The following GPBP1L1 variants were observed in gnomAD, a reference collection of about 807,000 sequenced individuals.
GPBP1L1 encodes GC-rich promoter binding protein 1 like 1.
In GPBP1L1, 23 loss-of-function variants were observed where a neutral mutation model predicts 52.5. That is an observed-to-expected ratio of 0.44 (90% CI 0.32 to 0.62). The LOEUF (loss-of-function observed/expected upper bound fraction) is 0.62. Among genes scored for constraint, GPBP1L1 ranks in the 20% least tolerant of loss-of-function variants. The probability of loss-of-function intolerance (pLI) is 0.06; values close to 1 mark genes in which losing one functional copy is unlikely to be tolerated. For synonymous variants in GPBP1L1, 243 were observed against 203.1 expected (o/e 1.20, Z -1.67); for missense variants, 596 against 579.3 (o/e 1.03, Z -0.30).
intron 6 of GPBP1L1, among the ~76,000 whole-genome samples, chr1:45,647,941 GT>G (rs996736254): frequency 1.3e-5 from 2 of 151,918 alleles, no homozygotes; most frequent in African/African-American, 4.8e-5. Context: ...CTGTGTGTAT[GT>G]TTTTTTCTTT....
intron 6 of GPBP1L1, among the ~76,000 whole-genome samples, chr1:45,645,318 A>G (rs944099894): frequency 6.6e-6 from 1 of 152,172 alleles, no homozygotes; most frequent in Non-Finnish European, 1.5e-5. Context: ...AACACCTCAT[A>G]ACTTATTACT....
Position 45,640,334 on chromosome 1 carries a change from G to A in GPBP1L1, c.620C>T (p.Ala207Val). The A allele has an allele frequency of 1.9e-6, 3 of 1,614,118 alleles. No individual in the cohort carries two copies. Among genetic ancestry groups the A allele is most frequent in the Non-Finnish European group, 2.5e-6 (3 of 1,179,966 alleles). Residue 207 changes from alanine to valine, a missense_variant, in exon 8 of 13, where the codon GCT becomes GTT. Physicochemically the swap from Ala to Val is moderately conservative, Grantham distance 64. Transcript: ENST00000355105. ...GGTGAATGCAGCAGAGAAGGCAGCA[G>A]CAGGATCCTCTTTGGAAACTTTTTT... ...VIKKVSKEDPAAAFSAAFTSP... is the reference protein window; with the variant it reads ...VIKKVSKEDPVAAFSAAFTSP...
Position 45,660,320 on chromosome 1 carries a change from G to C in GPBP1L1, c.-192C>G, listed in dbSNP as rs1644933805. ...TTATGATGAAGCACGAAGAAGCCAG[G>C]TTCTGTGTCGATCACTCTCTCAGTC... On this transcript the variant is annotated 5_prime_UTR_variant, in exon 3 of 13. Transcript: ENST00000355105. 1 of 985,264 alleles carries C rather than the reference G, an allele frequency of 1.0e-6. No homozygotes were observed. The highest frequency in any genetic ancestry group is 1.2e-6 in the Non-Finnish European group (1 of 829,918). 61.0% of individuals were successfully genotyped at this position (985,264 alleles called of 1,614,324 possible).
At chr1:45,639,317 T>G (rs370553974) in intron 8 of GPBP1L1, among the ~76,000 whole-genome samples, 1 of 152,110 alleles carries the variant, frequency 6.6e-6, no homozygotes, top group Non-Finnish European at 1.5e-5. Context: ...AAGGACAGCA[T>G]AGAGAGAATA....
At chr1:45,654,896 A>T in intron 5 of GPBP1L1, 67 bp from the exon 6 acceptor site, 1 of 1,472,696 alleles carries the variant, frequency 6.8e-7, no homozygotes, top group Non-Finnish European at 9.2e-7. Context: ...GTATTGGCCA[A>T]AGGCCTTCAG....
At chr1:45,680,909 A>G (rs1379867331) in intron 2 of GPBP1L1, among the ~76,000 whole-genome samples, 5 of 152,164 alleles carry the variant, frequency 3.3e-5, no homozygotes, top group Non-Finnish European at 5.9e-5. Context: ...GAAAATAGGG[A>G]AAAAAATTCA....
rs538662132 is a variant in GPBP1L1, at chr1:45,671,081, AC to A, written c.-1097-9857del. Among the ~76,000 whole-genome samples, 25 of 152,204 alleles carry A rather than the reference AC, an allele frequency of 1.6e-4. No individual in the cohort carries two copies. In the East Asian group the frequency reaches 4.4e-3, roughly 27 times the overall value. On this transcript the variant is annotated intron_variant, in intron 2 of 12. Coordinates refer to ENST00000355105, the MANE Select transcript of GPBP1L1 (RefSeq NM_021639.5). ...AGTGCTGGGATTACAGGCGTGAGCCACCGCGCCCGGACTACCATATGTCTTA... is the reference window on the plus strand; with the variant it reads ...AGTGCTGGGATTACAGGCGTGAGCCACGCGCCCGGACTACCATATGTCTTA...
intron 12 of GPBP1L1, among the ~76,000 whole-genome samples, chr1:45,628,809 G>A (rs1266854969): frequency 2.0e-5 from 3 of 152,084 alleles, no homozygotes; most frequent in South Asian, 2.1e-4. Flanking sequence ...GATTACAGGC[G>A]CACACCACCA....
chr1:45,671,209 CTTT>C (rs5773890), intron 2 of GPBP1L1, among the ~76,000 whole-genome samples: 23 of 99,816 alleles, frequency 2.3e-4, no homozygotes, highest in Non-Finnish European at 3.9e-4. Context: ...GGCTCTCTGG[CTTT>C]TTTTTTTTTT....
At chr1:45,675,165 T>C (rs953668681) in intron 2 of GPBP1L1, among the ~76,000 whole-genome samples, 12 of 151,660 alleles carry the variant, frequency 7.9e-5, no homozygotes, top group African/African-American at 2.9e-4. Flanking sequence ...GGCGTGGAGG[T>C]GCATGCCTGT....
At chr1:45,676,672 T>C (rs1014772969) in intron 2 of GPBP1L1, among the ~76,000 whole-genome samples, 2 of 142,566 alleles carry the variant, frequency 1.4e-5, no homozygotes, top group East Asian at 2.1e-4. Context: ...ACTGCACCAC[T>C]GCATTCCAGC....
intron 2 of GPBP1L1, among the ~76,000 whole-genome samples, chr1:45,667,397 C>T (rs1199859033): frequency 6.6e-6 from 1 of 152,204 alleles, no homozygotes; most frequent in African/African-American, 2.4e-5. Context: ...AAACCTCCAA[C>T]TTATCGGGCA....
rs1569844451 is a variant in GPBP1L1, at chr1:45,660,288, G to A, written c.-160C>T. The A allele has an allele frequency of 2.1e-5, 21 of 985,340 alleles. No homozygotes were observed. The highest frequency in any genetic ancestry group is 2.5e-5 in the Non-Finnish European group (21 of 829,922). The allele number at this position is 985,340 out of a possible 1,614,324, so 61.0% of individuals were successfully genotyped here. Reference sequence around the variant, plus strand: ...GGGTGCTTAAGTAACCTGGCCGGCAGCACGACTTATGATGAAGCACGAAGA... The same window carrying A: ...GGGTGCTTAAGTAACCTGGCCGGCAACACGACTTATGATGAAGCACGAAGA... On this transcript the variant is annotated 5_prime_UTR_variant, in exon 3 of 13. Transcript: ENST00000355105.
intron 10 of GPBP1L1, among the ~76,000 whole-genome samples, chr1:45,630,918 C>T (rs1040744941): frequency 1.3e-5 from 2 of 152,122 alleles, no homozygotes; most frequent in Non-Finnish European, 2.9e-5. Context: ...TAACAGTGCT[C>T]ATAAGAGGTG....
chr1:45,684,678 C>T (rs1201307260), intron 2 of GPBP1L1, among the ~76,000 whole-genome samples: 1 of 151,778 alleles, frequency 6.6e-6, no homozygotes, highest in East Asian at 1.9e-4. Context: ...CCACTGAGTA[C>T]CCCCCCAAAA....
intron 2 of GPBP1L1, among the ~76,000 whole-genome samples, chr1:45,666,902 T>C (rs1645016928): frequency 6.6e-6 from 1 of 152,150 alleles, no homozygotes; most frequent in Non-Finnish European, 1.5e-5. Context: ...AGCTACAACA[T>C]GGATGAACCA....
intron 6 of GPBP1L1, among the ~76,000 whole-genome samples, chr1:45,653,635 C>T (rs1007445396): frequency 8.6e-5 from 13 of 152,042 alleles, no homozygotes; most frequent in Non-Finnish European, 1.8e-4. Flanking sequence ...GCTGGGATTA[C>T]AGGCATGAGC....
intron 7 of GPBP1L1, among the ~76,000 whole-genome samples, chr1:45,640,810 G>A (rs1462643606): frequency 6.6e-6 from 1 of 152,084 alleles, no homozygotes; most frequent in African/African-American, 2.4e-5. Flanking sequence ...AAGAGTTCGA[G>A]ACCAGCCTGG....
At chr1:45,628,650 G>GAA (rs1405857420) in intron 12 of GPBP1L1, among the ~76,000 whole-genome samples, 2 of 152,096 alleles carry the variant, frequency 1.3e-5, no homozygotes, top group East Asian at 3.9e-4. Flanking sequence ...GGGCTTGAAA[G>GAA]TCCTTATTTC....
Sources: allele counts gnomAD v4.1 joint callset (sites outside exome capture counted in the v4.1 genomes callset), GRCh38; gene constraint gnomAD v4.1.1; transcripts MANE v1.5; gene names NCBI Gene and HGNC (gene_info 2026-07-23, HGNC 2026-07-21).